CADM2: variants seen among roughly 807,000 people sequenced by gnomAD.
CADM2 encodes immunoglobulin superfamily member 4D.
A neutral mutation model predicts 49.8 loss-of-function variants in CADM2; 12 were observed. That is an observed-to-expected ratio of 0.24 (90% CI 0.15 to 0.39). The LOEUF is 0.39. Ranked by LOEUF, CADM2 falls within the 10% of genes least tolerant of loss-of-function variation. The probability of loss-of-function intolerance (pLI) is 1.00; values close to 1 mark genes in which losing one functional copy is unlikely to be tolerated. For missense variants in CADM2, 378 were observed against 492.3 expected, an observed-to-expected ratio of 0.77 and a Z score of 2.20; for synonymous variants, 214 against 175.4, an observed-to-expected ratio of 1.22 and a Z score of -1.74.
intron 1 of CADM2, among the ~76,000 whole-genome samples, chr3:85,318,692 T>A (rs2044529400): frequency 6.6e-6 from 1 of 152,170 alleles, no homozygotes; most frequent in Admixed American, 6.5e-5. Flanking sequence ...AAAATACACT[T>A]GCTTTATTAG....
intron 8 of CADM2, chr3:86,013,889 A>G: frequency 1.3e-6 from 2 of 1,595,574 alleles, no homozygotes; most frequent in Non-Finnish European, 1.7e-6. Flanking sequence ...TTTTAGAAAA[A>G]TATCCCCAAG....
chr3:85,405,763 G>C (rs2035342730), intron 1 of CADM2, among the ~76,000 whole-genome samples: 1 of 151,530 alleles, frequency 6.6e-6, no homozygotes, highest in African/African-American at 2.4e-5. Flanking sequence ...GTGCAGGTTT[G>C]TCACATAGGT....
chr3:85,871,159 C>A (rs2075911793), intron 3 of CADM2, among the ~76,000 whole-genome samples: 1 of 152,092 alleles, frequency 6.6e-6, no homozygotes, highest in Non-Finnish European at 1.5e-5. Context: ...GGTCTAATAT[C>A]CAGCAACTAT....
intron 1 of CADM2, among the ~76,000 whole-genome samples, chr3:84,987,706 T>C (rs962273183): frequency 3.9e-5 from 6 of 152,172 alleles, no homozygotes; most frequent in African/African-American, 1.4e-4. Flanking sequence ...ACTGTGATTA[T>C]TGATGTGTGT....
chr3:85,250,290 T>C (rs1416451821), intron 1 of CADM2, among the ~76,000 whole-genome samples: 1 of 151,678 alleles, frequency 6.6e-6, no homozygotes, highest in Non-Finnish European at 1.5e-5. Flanking sequence ...ACTCTTAATA[T>C]ATATAGGTAT....
chr3:85,488,238 G>T (rs2039511842), intron 1 of CADM2, among the ~76,000 whole-genome samples: 1 of 152,158 alleles, frequency 6.6e-6, no homozygotes, highest in African/African-American at 2.4e-5. Flanking sequence ...AGGGAAAGAA[G>T]TCCACATGTA....
chr3:86,050,911 G>T (rs978996656), intron 8 of CADM2, among the ~76,000 whole-genome samples: 1 of 152,104 alleles, frequency 6.6e-6, no homozygotes, highest in Non-Finnish European at 1.5e-5. Context: ...TGCCTTCAAG[G>T]CCTTTTCCGT....
intron 1 of CADM2, among the ~76,000 whole-genome samples, chr3:85,454,613 A>G (rs914748066): frequency 6.6e-6 from 1 of 152,180 alleles, no homozygotes; most frequent in Non-Finnish European, 1.5e-5. Flanking sequence ...GGATCAAATT[A>G]CCCATTATGT....
chr3:84,960,107 C>A, intron 1 of CADM2: 1 of 195,844 alleles, frequency 5.1e-6, no homozygotes, highest in Non-Finnish European at 1.0e-5. Context: ...GTCGCCTTTT[C>A]TTTTCCCCCT....
intron 1 of CADM2, among the ~76,000 whole-genome samples, chr3:85,359,922 G>GTA (rs2032230655): frequency 6.6e-6 from 1 of 151,002 alleles, no homozygotes; most frequent in Non-Finnish European, 1.5e-5. Context: ...TATCAAATCT[G>GTA]TTTAAAAATC....
In CADM2 at chr3:86,021,389, T is replaced by A. The variant is rs1449846944; in HGVS notation, c.971-44216T>A. 3.9e-4 allele frequency among the ~76,000 whole-genome samples: 59 copies of A among 152,324 alleles called. No individual in the cohort carries two copies. The South Asian group carries it at 0.012, about 31-fold the overall frequency. On this transcript the variant is annotated intron_variant, in intron 8 of 9. Coordinates refer to ENST00000383699, the MANE Select transcript of CADM2 (RefSeq NM_001167675.2). ...ATGTTGCTTCCCGGAGGAATATATT[T>A]CCTTCTGTCCTATATCAGTGATGTA...
At chr3:85,258,219 T>C (rs1351683318) in intron 1 of CADM2, among the ~76,000 whole-genome samples, 1 of 152,090 alleles carries the variant, frequency 6.6e-6, no homozygotes, top group African/African-American at 2.4e-5. Context: ...ATAGAAAGTG[T>C]TTCATGCATA....
intron 1 of CADM2, among the ~76,000 whole-genome samples, chr3:85,257,890 G>A (rs1399342262): frequency 6.6e-6 from 1 of 152,034 alleles, no homozygotes; most frequent in Non-Finnish European, 1.5e-5. Flanking sequence ...TGATACTTTA[G>A]AAACATAGTC....
chr3:85,657,697 GAT>G (rs1239328546), intron 1 of CADM2, among the ~76,000 whole-genome samples: 3 of 54,082 alleles, frequency 5.5e-5, no homozygotes, highest in African/African-American at 8.6e-5. Context: ...TATATATACA[GAT>G]ATATATATAC....
At chr3:86,041,802 T>C (rs948381012) in intron 8 of CADM2, among the ~76,000 whole-genome samples, 5 of 152,188 alleles carry the variant, frequency 3.3e-5, no homozygotes, top group South Asian at 2.1e-4. Context: ...ACACCACACC[T>C]ATTCCAAAAT....
Position 85,109,301 on chromosome 3 carries a change from C to T in CADM2, c.61+149633C>T, listed in dbSNP as rs149103625. Among the ~76,000 whole-genome samples, 95 of 151,338 alleles carry T rather than the reference C, an allele frequency of 6.3e-4. 2 individuals are homozygous for T. In the East Asian group the frequency reaches 0.018, roughly 28 times the overall value. Reference sequence around the variant, plus strand: ...AATTCATTCTCCAAACAAAAGAAATCGCAAGTGAAAATAGATGATAAAGAT... The same window carrying T: ...AATTCATTCTCCAAACAAAAGAAATTGCAAGTGAAAATAGATGATAAAGAT... On this transcript the variant is annotated intron_variant, in intron 1 of 9. Coordinates refer to ENST00000383699, the MANE Select transcript of CADM2 (RefSeq NM_001167675.2).
intron 1 of CADM2, among the ~76,000 whole-genome samples, chr3:85,347,803 G>A (rs1442924009): frequency 6.7e-6 from 1 of 148,970 alleles, no homozygotes; most frequent in East Asian, 2.0e-4. Context: ...CATCACATCC[G>A]CCAGTTTTTT....
chr3:85,370,570 G>A (rs2033156717), intron 1 of CADM2, among the ~76,000 whole-genome samples: 1 of 152,136 alleles, frequency 6.6e-6, no homozygotes, highest in East Asian at 1.9e-4. Flanking sequence ...TACTGTGTCT[G>A]CAGTTATATA....
At chr3:85,266,174 C>T (rs894070584) in intron 1 of CADM2, among the ~76,000 whole-genome samples, 8 of 151,812 alleles carry the variant, frequency 5.3e-5, no homozygotes, top group Admixed American at 2.0e-4. Flanking sequence ...ATGGAGTTTG[C>T]GGATAAATAT....
Sources: allele counts gnomAD v4.1 joint callset (sites outside exome capture counted in the v4.1 genomes callset), GRCh38; gene constraint gnomAD v4.1.1; transcripts MANE v1.5; gene names NCBI Gene and HGNC (gene_info 2026-07-23, HGNC 2026-07-21).